EXOSC10: variants seen among roughly 807,000 people sequenced by gnomAD.
EXOSC10 encodes exosome component 10.
EXOSC10 carries 94 observed loss-of-function variants against 126.6 expected under a neutral mutation model. The ratio of observed to expected loss-of-function variants is 0.74; its 90% CI spans 0.63 to 0.88. EXOSC10 has a LOEUF of 0.88. Among genes scored for constraint, EXOSC10 ranks in the 40% least tolerant of loss-of-function variants. EXOSC10 has a pLI of 0.00. For synonymous variants in EXOSC10, 395 were observed against 400.8 expected, an observed-to-expected ratio of 0.99 and a Z score of 0.17; for missense variants, 1,041 against 1,100.5, an observed-to-expected ratio of 0.95 and a Z score of 0.77.
intron 14 of EXOSC10, among the ~76,000 whole-genome samples, chr1:11,078,816 G>A (rs1361811218): frequency 6.6e-6 from 1 of 152,224 alleles, no homozygotes; most frequent in East Asian, 1.9e-4. Context: ...TTAGAACAGT[G>A]AATTGGCCCA....
At chr1:11,089,244 AG>A (rs1640664740) in intron 6 of EXOSC10, among the ~76,000 whole-genome samples, 1 of 149,872 alleles carries the variant, frequency 6.7e-6, no homozygotes, top group African/African-American at 2.5e-5. Context: ...AAAAAAAAAA[AG>A]TGAGCCTTAC....
At chr1:11,077,076 C>G in intron 16 of EXOSC10, 128 bp from the exon 17 acceptor site, 1 of 698,248 alleles carries the variant, frequency 1.4e-6, no homozygotes, top group Non-Finnish European at 2.4e-6. Context: ...ACTGCAACCT[C>G]CGCCTCCTCG....
intron 21 of EXOSC10, among the ~76,000 whole-genome samples, 181 bp from the exon 22 acceptor site, chr1:11,069,911 C>A (rs577795557): frequency 1.3e-5 from 2 of 152,244 alleles, no homozygotes; most frequent in South Asian, 4.2e-4. Context: ...GAAACAAATT[C>A]CTCACTGGAC....
At chr1:11,072,272 G>T in intron 19 of EXOSC10, 101 bp from the exon 20 acceptor site, 1 of 760,722 alleles carries the variant, frequency 1.3e-6, no homozygotes, top group Non-Finnish European at 2.2e-6. Context: ...AACCTAAGAA[G>T]TACACACATT....
intron 17 of EXOSC10, 85 bp from the exon 18 acceptor site, chr1:11,074,411 T>TG: frequency 9.2e-6 from 9 of 973,478 alleles, no homozygotes; most frequent in Non-Finnish European, 3.1e-6. Context: ...CAGTTAACAG[T>TG]GATTTTTTTT....
intron 6 of EXOSC10, among the ~76,000 whole-genome samples, chr1:11,089,140 G>C (rs112306930): frequency 0.064 from 9,596 of 149,094 alleles, 443 homozygotes; most frequent in East Asian, 0.15. Context: ...CTGAGGCAGG[G>C]GGATTGCTTG....
intron 11 of EXOSC10, 60 bp from the exon 12 acceptor site, chr1:11,080,972 G>A (rs1191811567): frequency 1.3e-6 from 2 of 1,575,218 alleles, no homozygotes; most frequent in African/African-American, 2.7e-5. Flanking sequence ...CCTGGGCTCT[G>A]GAAAATGTTT....
intron 24 of EXOSC10, among the ~76,000 whole-genome samples, chr1:11,067,359 G>A (rs541376603): frequency 3.3e-5 from 5 of 152,080 alleles, no homozygotes; most frequent in Non-Finnish European, 5.9e-5. Flanking sequence ...GTGAACCCGG[G>A]AGGCGCAGCT....
intron 1 of EXOSC10, 58 bp from the exon 2 acceptor site, chr1:11,098,214 G>A: frequency 6.5e-7 from 1 of 1,540,986 alleles, no homozygotes; most frequent in Non-Finnish European, 8.7e-7. Flanking sequence ...CATTTGGTAT[G>A]TCATTTTTTT....
chr1:11,083,625 T>A (rs1640311541), intron 9 of EXOSC10, among the ~76,000 whole-genome samples: 1 of 151,850 alleles, frequency 6.6e-6, no homozygotes. Flanking sequence ...AAAAAAATTT[T>A]TTTTTAAATT....
At position 11,089,788 on chromosome 1, in the gene EXOSC10, A is replaced by G. The variant is rs905675344; in HGVS notation, c.758+766T>C. On this transcript the variant is annotated intron_variant, in intron 6 of 24. Transcript: ENST00000376936. ...AGACCAGACTGGGCATACAGAAAAT[A>G]CAAAAATTAGCTGTGCATGATGGCT... 3.1e-4 allele frequency among the ~76,000 whole-genome samples: 47 copies of G among 151,764 alleles called. 2 individuals are homozygous for G. The highest frequency in any genetic ancestry group is 2.9e-5 in the Non-Finnish European group (2 of 67,972).
At chr1:11,071,737 T>A in intron 20 of EXOSC10, 1 of 205,234 alleles carries the variant, frequency 4.9e-6, no homozygotes, top group Non-Finnish European at 9.9e-6. Flanking sequence ...GCCCACTTGC[T>A]GCTGCTCAGC....
chr1:11,095,418 T>C (rs994918636), intron 3 of EXOSC10: 1 of 197,222 alleles, frequency 5.1e-6, no homozygotes, highest in Non-Finnish European at 1.1e-5. Flanking sequence ...TTAGTTACCA[T>C]AAGAGTAAGG....
chr1:11,081,045 A>G (rs2273337), intron 11 of EXOSC10, 37 bp downstream of exon 11: 65,690 of 1,608,798 alleles, frequency 0.041, 2,660 homozygotes, highest in African/African-American at 0.15. Context: ...CACAGAGCCC[A>G]AGTGTCGCGG....
Position 11,068,716 on chromosome 1 carries a change from A to AAG in EXOSC10, c.2489-12_2489-11dup, listed in dbSNP as rs747469888. 38 of 1,612,862 alleles carry AAG rather than the reference A, an allele frequency of 2.4e-5. No homozygotes were observed. Among genetic ancestry groups the AAG allele is most frequent in the Middle Eastern group, 1.6e-4 (1 of 6,062 alleles). ...TTGGATTTGCTGTTTCCTGAAAGGT[A>AAG]AGAGATGAGAGAGACCTGCGGTCAG... On this transcript the variant is annotated splice_polypyrimidine_tract_variant and intron_variant, in intron 22 of 24. Transcript: ENST00000376936.
intron 6 of EXOSC10, 55 bp from the exon 7 acceptor site, chr1:11,088,253 GA>G: frequency 7.8e-7 from 1 of 1,280,796 alleles, no homozygotes. Flanking sequence ...TGATTCAAGG[GA>G]AAAATAATGC....
intron 6 of EXOSC10, among the ~76,000 whole-genome samples, chr1:11,088,809 A>G (rs1640640430): frequency 6.6e-6 from 1 of 152,180 alleles, no homozygotes; most frequent in Non-Finnish European, 1.5e-5. Flanking sequence ...ATACTAACCA[A>G]ATTTTTATCA....
chr1:11,080,450 T>G, intron 13 of EXOSC10, 49 bp downstream of exon 13: 2 of 1,606,686 alleles, frequency 1.2e-6, no homozygotes, highest in Non-Finnish European at 1.7e-6. Flanking sequence ...TTGAAGAACA[T>G]CAGATCTACT....
Position 11,091,595 on chromosome 1 carries a change from A to T in EXOSC10, c.375T>A (p.Gly125=). The change falls in exon 4 of 25, where the codon GGT becomes GGA. Residue 125 remains glycine, a splice_region_variant and synonymous_variant. Coordinates refer to ENST00000376936, the MANE Select transcript of EXOSC10 (RefSeq NM_001001998.3). The part of the protein sequence containing the change: ...DANDVILERV[G]ILLDEASGVN... ...CACCTGAGGCTTCATCCAGTAAAATACCCTAAGAGTAGAAGAGGTACTGGT... is the reference window on the plus strand; with the variant it reads ...CACCTGAGGCTTCATCCAGTAAAATTCCCTAAGAGTAGAAGAGGTACTGGT... 6.2e-7 allele frequency: 1 copy of T among 1,612,438 alleles called. No homozygotes were observed. The highest frequency in any genetic ancestry group is 8.5e-7 in the Non-Finnish European group (1 of 1,178,554).
Sources: allele counts gnomAD v4.1 joint callset (sites outside exome capture counted in the v4.1 genomes callset), GRCh38; gene constraint gnomAD v4.1.1; transcripts MANE v1.5; gene names NCBI Gene and HGNC (gene_info 2026-07-23, HGNC 2026-07-21).